SLC60A2: variants seen among roughly 807,000 people sequenced by gnomAD.
SLC60A2 encodes the protein major facilitator superfamily domain containing 4B.
the SLC60A2 span, chr6:111,266,253 C>T: frequency 4.4e-5 from 71 of 1,614,164 alleles, 1 homozygote; most frequent in East Asian, 1.3e-3. Flanking sequence ...CAACGCCCTT[C>T]TTTGTCTCCT....
the SLC60A2 span, among the ~76,000 whole-genome samples, chr6:111,271,548 G>T: frequency 2.0e-5 from 3 of 151,732 alleles, no homozygotes; most frequent in African/African-American, 7.3e-5. Context: ...TGGTGAACTG[G>T]TTATTAGTTT....
the SLC60A2 span, among the ~76,000 whole-genome samples, chr6:111,279,234 A>G: frequency 6.7e-6 from 1 of 150,022 alleles, no homozygotes; most frequent in Non-Finnish European, 1.5e-5. Flanking sequence ...ACTTTTGTAG[A>G]TCCTTGAAAT....
At chr6:111,267,170 C>A in the SLC60A2 span, 1 of 1,503,326 alleles carries the variant, frequency 6.7e-7, no homozygotes, top group Non-Finnish European at 9.0e-7. Context: ...CTTCTAAGGA[C>A]GCCATTCAGA....
At chr6:111,267,646 C>G in the SLC60A2 span, 1 of 152,310 alleles carries the variant, frequency 6.6e-6, no homozygotes, top group African/African-American at 2.4e-5. Flanking sequence ...ACAGTGAAAC[C>G]CTGTCTCTAC....
At chr6:111,266,390 G>C in the SLC60A2 span, 21 of 1,614,146 alleles carry the variant, frequency 1.3e-5, no homozygotes, top group East Asian at 4.5e-5. Flanking sequence ...TCTTCTGGGG[G>C]ACATTTGCAG....
chr6:111,271,721 T>G, the SLC60A2 span, among the ~76,000 whole-genome samples: 1 of 131,414 alleles, frequency 7.6e-6, no homozygotes, highest in Non-Finnish European at 1.5e-5. Flanking sequence ...GTGGATCACT[T>G]GAGGTCAGGA....
chr6:111,272,412 A>C, the SLC60A2 span, among the ~76,000 whole-genome samples: 4 of 152,064 alleles, frequency 2.6e-5, no homozygotes, highest in Non-Finnish European at 4.4e-5. Flanking sequence ...AAAATTCCAC[A>C]TCTTGTGCTA....
At chr6:111,262,202 G>A in the SLC60A2 span, 5 of 1,460,966 alleles carry the variant, frequency 3.4e-6, no homozygotes, top group Admixed American at 5.5e-5. Context: ...CTACCACATA[G>A]TTAGACATTA....
the SLC60A2 span, chr6:111,259,790 A>C: frequency 6.7e-7 from 1 of 1,496,002 alleles, no homozygotes; most frequent in African/African-American, 1.4e-5. Context: ...CGCCACTTGC[A>C]AACTGACCTT....
chr6:111,261,616 C>CA, the SLC60A2 span, among the ~76,000 whole-genome samples: 1 of 152,052 alleles, frequency 6.6e-6, no homozygotes, highest in Non-Finnish European at 1.5e-5. Context: ...CTTTCTGAGA[C>CA]AGAGTCTCGC....
At chr6:111,272,006 A>G in the SLC60A2 span, among the ~76,000 whole-genome samples, 8 of 151,980 alleles carry the variant, frequency 5.3e-5, no homozygotes, top group African/African-American at 1.2e-4. Context: ...TATCATGGCA[A>G]TGTGTCACTC....
chr6:111,276,710 T>C, the SLC60A2 span, among the ~76,000 whole-genome samples: 1 of 151,978 alleles, frequency 6.6e-6, no homozygotes, highest in East Asian at 1.9e-4. Flanking sequence ...TGCTCATTCG[T>C]TTACAGAGAT....
the SLC60A2 span, chr6:111,262,389 T>C: frequency 1.2e-6 from 2 of 1,613,836 alleles, no homozygotes; most frequent in Non-Finnish European, 1.7e-6. Flanking sequence ...GATTGGTGGA[T>C]TTCTTGTCGA....
At chr6:111,262,271 T>C in the SLC60A2 span, 1 of 1,613,772 alleles carries the variant, frequency 6.2e-7, no homozygotes, top group Non-Finnish European at 8.5e-7. Flanking sequence ...TGAGTGTTGC[T>C]ATAGTGGGAC....
chr6:111,266,887 A>G, the SLC60A2 span: 2 of 1,614,060 alleles, frequency 1.2e-6, no homozygotes, highest in South Asian at 1.1e-5. Context: ...GAAGAGAATG[A>G]AGAGGAGGAT....
At chr6:111,259,721 G>A in the SLC60A2 span, 1 of 1,595,138 alleles carries the variant, frequency 6.3e-7, no homozygotes, top group East Asian at 2.3e-5. Flanking sequence ...CCTCCTTCCT[G>A]GGGCTGGTGA....
chr6:111,266,038 A>G, the SLC60A2 span: 21 of 1,614,060 alleles, frequency 1.3e-5, no homozygotes, highest in African/African-American at 4.0e-5. Flanking sequence ...TCTGACTTCC[A>G]TCCTGCACTC....
the SLC60A2 span, chr6:111,266,771 G>A: frequency 1.2e-6 from 2 of 1,614,086 alleles, no homozygotes; most frequent in South Asian, 1.1e-5. Flanking sequence ...TATTTCCTGT[G>A]CTATATAAAT....
the SLC60A2 span, among the ~76,000 whole-genome samples, chr6:111,271,813 ATAGT>A: frequency 7.1e-5 from 5 of 70,182 alleles, no homozygotes; most frequent in Non-Finnish European, 9.4e-5. Flanking sequence ...AAAAGTACAA[ATAGT>A]TAGCCAGGTG....
Sources: gnomAD v4.1 joint callset for allele counts (sites outside exome capture counted in the v4.1 genomes callset) on GRCh38, gnomAD v4.1.1 for gene constraint, MANE v1.5 for transcripts, NCBI Gene and HGNC (gene_info 2026-07-23, HGNC 2026-07-21) for gene names.